EFCAB14: variants seen among roughly 807,000 people sequenced by gnomAD.
The protein encoded by EFCAB14 is EF-hand calcium-binding domain-containing protein 14.
EFCAB14 carries 43 observed loss-of-function variants against 56.5 expected under a neutral mutation model. The ratio of observed to expected loss-of-function variants is 0.76; its 90% CI spans 0.60 to 0.98. The LOEUF is 0.98. Ranked by LOEUF, EFCAB14 falls within the 50% of genes least tolerant of loss-of-function variation. The probability of loss-of-function intolerance (pLI) is 0.00; values close to 1 mark genes in which losing one functional copy is unlikely to be tolerated. For synonymous variants in EFCAB14, 235 were observed against 212.9 expected (o/e 1.10, Z -0.90); for missense variants, 538 against 580.3 (o/e 0.93, Z 0.75).
At chr1:46,702,842 A>G (rs1677180031) in intron 3 of EFCAB14, among the ~76,000 whole-genome samples, 1 of 152,206 alleles carries the variant, frequency 6.6e-6, no homozygotes, top group Non-Finnish European at 1.5e-5. Flanking sequence ...CTATAGGAGA[A>G]GGGCACTCAA....
intron 4 of EFCAB14, among the ~76,000 whole-genome samples, chr1:46,694,021 C>T (rs1677041017): frequency 6.6e-6 from 1 of 152,108 alleles, no homozygotes; most frequent in Non-Finnish European, 1.5e-5. Context: ...AACTGGCTAG[C>T]CATATGTAGA....
In EFCAB14 at chr1:46,684,534, T is replaced by A. The variant is rs376178646; in HGVS notation, c.1143A>T (p.Thr381=). Residue 381 remains threonine (T), a synonymous_variant, in exon 9 of 11, where the codon ACA becomes ACT. Coordinates refer to ENST00000371933, the MANE Select transcript of EFCAB14 (RefSeq NM_014774.3). ...REKLQLISAL[T]NKPESNRPPE... ...GAGGCCTGTTGCTCTCAGGTTTGTT[T>A]GTAAGAGCACTGATCAGCTGGAGTT... 3.5e-5 allele frequency: 57 copies of A among 1,614,020 alleles called. No individual in the cohort carries two copies. The highest frequency in any genetic ancestry group is 4.7e-5 in the Non-Finnish European group (56 of 1,180,004).
intron 3 of EFCAB14, 46 bp downstream of exon 3, chr1:46,707,860 A>C: frequency 1.3e-6 from 2 of 1,582,124 alleles, no homozygotes; most frequent in Non-Finnish European, 8.6e-7. Flanking sequence ...CTAAACAACC[A>C]AACAAATATT....
chr1:46,677,409 A>T lies in EFCAB14; in HGVS notation c.*1052T>A, dbSNP rs1676712925. 1 of 152,102 alleles carries T rather than the reference A, an allele frequency of 6.6e-6. No homozygotes were observed. Among genetic ancestry groups the T allele is most frequent in the Non-Finnish European group, 1.5e-5 (1 of 68,024 alleles). The allele number at this position is 152,102 out of a possible 1,614,324, so 9.4% of individuals were successfully genotyped here. A position where few individuals can be genotyped will look rare whatever the true frequency, so the allele number is the denominator to read the frequency against. ...AGAGAAACATATTAGGCTCTTGGTT[A>T]GCCTCTAGGTAAAATCTCAAGGGGT... On this transcript the variant is annotated 3_prime_UTR_variant, in exon 11 of 11. Transcript: ENST00000371933.
intron 2 of EFCAB14, among the ~76,000 whole-genome samples, chr1:46,714,437 A>C (rs1236170889): frequency 6.8e-6 from 1 of 146,090 alleles, no homozygotes; most frequent in Admixed American, 6.6e-5. Context: ...GCTAAAAAAA[A>C]AAAAAAAAAA....
chr1:46,697,168 C>T (rs557540662), intron 3 of EFCAB14, among the ~76,000 whole-genome samples: 2 of 152,332 alleles, frequency 1.3e-5, no homozygotes, highest in African/African-American at 4.8e-5. Context: ...CTTTCAACTA[C>T]TTGGGGATTT....
chr1:46,716,727 C>T (rs1038713797), intron 1 of EFCAB14, among the ~76,000 whole-genome samples: 2 of 152,164 alleles, frequency 1.3e-5, no homozygotes, highest in Admixed American at 6.6e-5. Context: ...GGAGGGAGGT[C>T]TTTGAATACA....
chr1:46,711,374 C>A (rs904750233), intron 2 of EFCAB14, among the ~76,000 whole-genome samples: 1 of 152,192 alleles, frequency 6.6e-6, no homozygotes, highest in African/African-American at 2.4e-5. Context: ...GCAGTCTATA[C>A]GCATGAACTA....
chr1:46,705,114 T>G (rs897023159), intron 3 of EFCAB14, among the ~76,000 whole-genome samples: 1 of 152,258 alleles, frequency 6.6e-6, no homozygotes, highest in Non-Finnish European at 1.5e-5. Context: ...CAGATGCCTC[T>G]GACTTCAACA....
intron 5 of EFCAB14, among the ~76,000 whole-genome samples, 153 bp downstream of exon 5, chr1:46,691,674 T>C (rs1676994366): frequency 6.6e-6 from 1 of 152,252 alleles, no homozygotes; most frequent in Non-Finnish European, 1.5e-5. Flanking sequence ...AATTGCTTTA[T>C]TAACAAATTG....
intron 3 of EFCAB14, among the ~76,000 whole-genome samples, chr1:46,703,907 T>C (rs748328346): frequency 8.5e-5 from 13 of 152,210 alleles, no homozygotes; most frequent in Non-Finnish European, 1.5e-4. Flanking sequence ...ACAGAATTGA[T>C]AAATTATGAG....
At chr1:46,701,138 C>G (rs1290549497) in intron 3 of EFCAB14, among the ~76,000 whole-genome samples, 1 of 152,054 alleles carries the variant, frequency 6.6e-6, no homozygotes, top group Non-Finnish European at 1.5e-5. Context: ...TTTAAAAAGA[C>G]AAAAGATGAG....
At chr1:46,681,357 A>G (rs1338724509) in intron 10 of EFCAB14, among the ~76,000 whole-genome samples, 1 of 152,262 alleles carries the variant, frequency 6.6e-6, no homozygotes, top group Non-Finnish European at 1.5e-5. Context: ...ATGTTTCTTT[A>G]AAAATCTTCC....
In EFCAB14 at chr1:46,717,933, C is replaced by T. The variant is rs563376523; in HGVS notation, c.155G>A (p.Gly52Asp). 1.2e-5 allele frequency: 19 copies of T among 1,614,046 alleles called. No homozygotes were observed. In the African/African-American group the frequency reaches 2.5e-4, roughly 22 times the overall value. The change falls in exon 1 of 11, where the codon GGT becomes GAT. Residue 52 changes from glycine (G) to aspartate (D), a missense_variant. By Grantham distance (94) the Gly-to-Asp change is moderately conservative. Transcript: ENST00000371933. ...ESSSEEEEEF[G>D]VVGNRSRFAK... Reference sequence around the variant, plus strand: ...AAAGCGAGAGCGATTTCCAACCACACCGAATTCCTCTTCCTCTTCGGAGCT... The same window carrying T: ...AAAGCGAGAGCGATTTCCAACCACATCGAATTCCTCTTCCTCTTCGGAGCT...
intron 3 of EFCAB14, among the ~76,000 whole-genome samples, chr1:46,699,880 CCTT>C (rs1319928143): frequency 6.6e-6 from 1 of 152,148 alleles, no homozygotes; most frequent in African/African-American, 2.4e-5. Context: ...AGGTCCTATG[CCTT>C]CTTCTTTGCT....
At chr1:46,699,702 C>T (rs903007986) in intron 3 of EFCAB14, among the ~76,000 whole-genome samples, 15 of 152,140 alleles carry the variant, frequency 9.9e-5, no homozygotes, top group African/African-American at 3.1e-4. Flanking sequence ...TATAAGGATA[C>T]GTGATGGTTT....
At chr1:46,703,075 G>T (rs960561862) in intron 3 of EFCAB14, among the ~76,000 whole-genome samples, 5 of 151,856 alleles carry the variant, frequency 3.3e-5, no homozygotes, top group African/African-American at 1.2e-4. Context: ...GTTCCTTGGG[G>T]AAACACAGGT....
In EFCAB14 at chr1:46,691,892, CAG is replaced by C; in HGVS notation, c.623_624del (p.Ala208GlyfsTer10). On this transcript the variant is annotated frameshift_variant, in exon 5 of 11. Coordinates refer to ENST00000371933, the MANE Select transcript of EFCAB14 (RefSeq NM_014774.3). LOFTEE classifies it high-confidence loss of function. ...IGNTLNSVHL[A>X]VEALQKTVDE... Reference sequence around the variant, plus strand: ...TCCACAGTTTTCTGTAGTGCTTCCACAGCAAGATGGACGCTGTTTAAAGTATT... The same window carrying C: ...TCCACAGTTTTCTGTAGTGCTTCCACCAAGATGGACGCTGTTTAAAGTATT... 1 of 1,613,560 alleles carries C rather than the reference CAG, an allele frequency of 6.2e-7. No homozygotes were observed. Among genetic ancestry groups the C allele is most frequent in the Non-Finnish European group, 8.5e-7 (1 of 1,179,714 alleles).
In EFCAB14 at chr1:46,707,908, G is replaced by T. The variant is rs748068584; in HGVS notation, c.478C>A (p.Gln160Lys). 8.7e-6 allele frequency: 14 copies of T among 1,607,772 alleles called. No individual in the cohort carries two copies. The African/African-American group carries it at 1.7e-4, about 20-fold the overall frequency. ...AGCAAAAATCAAACTTTTAGTACCTGCTTATTCATTTCTGTGATGTTTATC... is the reference window on the plus strand; with the variant it reads ...AGCAAAAATCAAACTTTTAGTACCTTCTTATTCATTTCTGTGATGTTTATC... Reference protein sequence around the residue: ...VWINITEMNKQISLLTSAVNH... With the variant: ...VWINITEMNKKISLLTSAVNH... Residue 160 changes from glutamine (Q) to lysine (K), a missense_variant and splice_region_variant, in exon 3 of 11, where the codon CAG becomes AAG. Transcript: ENST00000371933.
Sources: allele counts gnomAD v4.1 joint callset (sites outside exome capture counted in the v4.1 genomes callset), GRCh38; gene constraint gnomAD v4.1.1; transcripts MANE v1.5; gene names NCBI Gene and HGNC (gene_info 2026-07-23, HGNC 2026-07-21).